Variants in AFG2A observed in about 807,000 individuals in gnomAD.
AFG2A encodes the protein ATPase family gene 2 protein homolog A.
At chr4:123,050,386 A>G in the AFG2A span, among the ~76,000 whole-genome samples, 1 of 152,150 alleles carries the variant, frequency 6.6e-6, no homozygotes, top group African/African-American at 2.4e-5. Flanking sequence ...TGTTGCTCAA[A>G]GTGGGGCATT....
At chr4:123,042,068 A>T in the AFG2A span, among the ~76,000 whole-genome samples, 1 of 152,112 alleles carries the variant, frequency 6.6e-6, no homozygotes, top group Non-Finnish European at 1.5e-5. Flanking sequence ...TTCTACCCTG[A>T]TTCTCATATC....
chr4:123,239,325 C>T, the AFG2A span, among the ~76,000 whole-genome samples: 2 of 152,106 alleles, frequency 1.3e-5, no homozygotes, highest in Non-Finnish European at 2.9e-5. Context: ...TCAGGAAATA[C>T]AGAGAACACC....
chr4:122,923,239 C>T, the AFG2A span: 2 of 1,614,086 alleles, frequency 1.2e-6, no homozygotes, highest in East Asian at 2.2e-5. Context: ...GGCACGGGCT[C>T]CTTCTGCTGG....
At chr4:123,020,505 T>G in the AFG2A span, among the ~76,000 whole-genome samples, 1 of 151,678 alleles carries the variant, frequency 6.6e-6, no homozygotes, top group East Asian at 1.9e-4. Flanking sequence ...AGTAGCGGAG[T>G]TTCCAGGTGC....
the AFG2A span, among the ~76,000 whole-genome samples, chr4:123,220,633 A>AAAAAAAAC: frequency 6.8e-6 from 1 of 147,782 alleles, no homozygotes; most frequent in African/African-American, 2.7e-5. Flanking sequence ...AAAAAAAAAA[A>AAAAAAAAC]AAAACCTGGA....
the AFG2A span, chr4:123,313,837 G>A: frequency 4.1e-6 from 6 of 1,466,870 alleles, no homozygotes; most frequent in African/African-American, 1.4e-5. Flanking sequence ...TTCTAAAAGA[G>A]TACTGATTGT....
chr4:123,037,615 C>T, the AFG2A span, among the ~76,000 whole-genome samples: 130 of 152,042 alleles, frequency 8.6e-4, no homozygotes, highest in Middle Eastern at 3.4e-3. Flanking sequence ...TTGTTTATAA[C>T]GGGTACTAAT....
At chr4:122,999,299 G>A in the AFG2A span, among the ~76,000 whole-genome samples, 1 of 152,174 alleles carries the variant, frequency 6.6e-6, no homozygotes, top group Non-Finnish European at 1.5e-5. Flanking sequence ...CTGTGCAGAA[G>A]TTCTTTGGTT....
the AFG2A span, among the ~76,000 whole-genome samples, chr4:122,970,372 T>C: frequency 6.6e-6 from 1 of 151,938 alleles, no homozygotes; most frequent in East Asian, 1.9e-4. Context: ...AGTAGACTCT[T>C]TGATGTTTGC....
At chr4:123,028,387 G>C in the AFG2A span, 1 of 1,614,068 alleles carries the variant, frequency 6.2e-7, no homozygotes, top group Non-Finnish European at 8.5e-7. Context: ...GAATTTTCTA[G>C]CTATAAAGGT....
the AFG2A span, among the ~76,000 whole-genome samples, chr4:122,956,620 G>A: frequency 6.6e-6 from 1 of 152,148 alleles, no homozygotes; most frequent in Admixed American, 6.5e-5. Flanking sequence ...ATTATGAAGA[G>A]TAGTTTTATT....
At chr4:123,214,465 A>C in the AFG2A span, among the ~76,000 whole-genome samples, 1 of 152,078 alleles carries the variant, frequency 6.6e-6, no homozygotes, top group African/African-American at 2.4e-5. Flanking sequence ...GACCCTTTGA[A>C]CACCACAGGT....
the AFG2A span, among the ~76,000 whole-genome samples, chr4:123,189,809 CTTTTTTTT>C: frequency 3.3e-3 from 206 of 61,784 alleles, no homozygotes; most frequent in African/African-American, 0.013. Flanking sequence ...AGGTCATTTG[CTTTTTTTT>C]TTTTTTTTTT....
the AFG2A span, chr4:122,979,425 ATT>A: frequency 1.3e-6 from 2 of 1,577,100 alleles, no homozygotes; most frequent in Admixed American, 1.9e-5. Context: ...CACTGTTTGA[ATT>A]AAACTCTGAA....
the AFG2A span, chr4:123,317,855 G>A: frequency 1.3e-5 from 2 of 152,164 alleles, no homozygotes; most frequent in Non-Finnish European, 2.9e-5. Context: ...AAAAATATGT[G>A]TTTATGGGGG....
chr4:123,311,655 A>AAAAG, the AFG2A span, among the ~76,000 whole-genome samples: 1 of 145,630 alleles, frequency 6.9e-6, no homozygotes, highest in Non-Finnish European at 1.5e-5. Context: ...AAAAAAAAAA[A>AAAAG]AGAGAGAGAA....
the AFG2A span, among the ~76,000 whole-genome samples, chr4:123,247,056 C>A: frequency 6.6e-6 from 1 of 152,144 alleles, no homozygotes; most frequent in African/African-American, 2.4e-5. Context: ...TAAGGTTACA[C>A]CTACTGTACC....
the AFG2A span, among the ~76,000 whole-genome samples, chr4:123,054,037 C>T: frequency 6.6e-6 from 1 of 152,246 alleles, no homozygotes; most frequent in African/African-American, 2.4e-5. Flanking sequence ...AGGTTCACTA[C>T]TGAGACCAGT....
the AFG2A span, among the ~76,000 whole-genome samples, chr4:123,047,047 A>G: frequency 2.6e-5 from 4 of 152,180 alleles, no homozygotes; most frequent in African/African-American, 9.7e-5. Context: ...AAATAGTGCT[A>G]CAATAGACAT....
Sources: allele counts gnomAD v4.1 joint callset (sites outside exome capture counted in the v4.1 genomes callset), GRCh38; gene constraint gnomAD v4.1.1; transcripts MANE v1.5; gene names NCBI Gene and HGNC (gene_info 2026-07-23, HGNC 2026-07-21).